SRRM4: variants seen among roughly 807,000 people sequenced by gnomAD.
The protein encoded by SRRM4 is serine/arginine repetitive matrix 4, also known as serine/arginine repetitive matrix protein 4.
In SRRM4, 33 loss-of-function variants were observed where a neutral mutation model predicts 68.9. The observed-to-expected ratio is 0.48, with a 90% CI of 0.36 to 0.64. The LOEUF is 0.64. Among genes scored for constraint, SRRM4 ranks in the 30% least tolerant of loss-of-function variants. The probability of loss-of-function intolerance (pLI) is 0.00; values close to 1 mark genes in which losing one functional copy is unlikely to be tolerated. For missense variants in SRRM4, 817 were observed against 827.1 expected (o/e 0.99, Z 0.15); for synonymous variants, 318 against 318.8 (o/e 1.00, Z 0.03).
chr12:119,125,491 C>A lies in SRRM4; in HGVS notation c.614+12C>A. The A allele has an allele frequency of 3.1e-6, 5 of 1,608,958 alleles. No individual in the cohort carries two copies. The highest frequency in any genetic ancestry group is 4.3e-6 in the Non-Finnish European group (5 of 1,176,190). On this transcript the variant is annotated intron_variant, in intron 7 of 12. Coordinates refer to ENST00000267260, the MANE Select transcript of SRRM4 (RefSeq NM_194286.4). ...AGCTGTGAGAGCAGGTAACCCCTTGCCCCAGGATCCTCTTCTGTCAGCCAC... is the reference window on the plus strand; with the variant it reads ...AGCTGTGAGAGCAGGTAACCCCTTGACCCAGGATCCTCTTCTGTCAGCCAC...
rs1451684245 is a variant in SRRM4 at position 119,093,394 on chromosome 12, C to A, written c.132-8842C>A. 2.0e-5 allele frequency among the ~76,000 whole-genome samples: 3 copies of A among 152,220 alleles called. No homozygotes were observed. In the South Asian group the frequency reaches 6.2e-4, roughly 31 times the overall value. On this transcript the variant is annotated intron_variant, in intron 1 of 12. Transcript: ENST00000267260. ...CCTAGATCTTGTACCAAGGATCCTC[C>A]TTTCCTGGGTTGGGGGTTTCCTCTT...
intron 1 of SRRM4, among the ~76,000 whole-genome samples, chr12:119,064,211 T>A (rs965172455): frequency 1.3e-5 from 2 of 152,232 alleles, no homozygotes; most frequent in African/African-American, 2.4e-5. Flanking sequence ...TAAAGTGATC[T>A]CCCTCATTCC....
At chr12:119,068,136 C>G (rs78490543) in intron 1 of SRRM4, among the ~76,000 whole-genome samples, 3,373 of 152,316 alleles carry the variant, frequency 0.022, 135 homozygotes, top group African/African-American at 0.077. Context: ...TCATCTGGCC[C>G]CTTCTCGTCT....
chr12:119,101,833 T>C (rs886524426), intron 1 of SRRM4, among the ~76,000 whole-genome samples: 2 of 152,140 alleles, frequency 1.3e-5, no homozygotes, highest in African/African-American at 2.4e-5. Flanking sequence ...GTTTCCAGCA[T>C]CTCTCTGTGA....
chr12:119,063,305 T>G (rs930744974), intron 1 of SRRM4, among the ~76,000 whole-genome samples: 1 of 152,182 alleles, frequency 6.6e-6, no homozygotes, highest in Admixed American at 6.5e-5. Flanking sequence ...TAGGCTTGGT[T>G]GTGCTATAGT....
At chr12:119,013,831 G>A (rs377622442) in intron 1 of SRRM4, among the ~76,000 whole-genome samples, 14 of 151,876 alleles carry the variant, frequency 9.2e-5, no homozygotes, top group Middle Eastern at 3.4e-3. Context: ...TACCTTGGAG[G>A]GTATATCTAT....
intron 8 of SRRM4, among the ~76,000 whole-genome samples, chr12:119,133,691 G>A (rs531480886): frequency 1.1e-4 from 16 of 152,308 alleles, no homozygotes; most frequent in Admixed American, 2.0e-4. Context: ...CTCTGTTAAA[G>A]CTAACAGCAG....
At chr12:119,110,110 G>A (rs547140134) in intron 2 of SRRM4, among the ~76,000 whole-genome samples, 39 of 150,292 alleles carry the variant, frequency 2.6e-4, no homozygotes, top group Admixed American at 9.2e-4. Context: ...CTGTTTGCCT[G>A]GGTATCACCA....
At chr12:119,027,487 A>G (rs1236894142) in intron 1 of SRRM4, among the ~76,000 whole-genome samples, 2 of 152,176 alleles carry the variant, frequency 1.3e-5, no homozygotes, top group Non-Finnish European at 2.9e-5. Flanking sequence ...CTTATCTTTT[A>G]AGATATTAAT....
At chr12:119,059,530 T>G (rs1187089367) in intron 1 of SRRM4, among the ~76,000 whole-genome samples, 1 of 152,152 alleles carries the variant, frequency 6.6e-6, no homozygotes, top group Non-Finnish European at 1.5e-5. Flanking sequence ...GTCCCCACTA[T>G]GTGCCAAGAG....
intron 1 of SRRM4, among the ~76,000 whole-genome samples, chr12:119,013,568 A>C (rs1234543048): frequency 4.6e-5 from 7 of 152,174 alleles, no homozygotes; most frequent in African/African-American, 1.7e-4. Context: ...TTCCAGAAAT[A>C]TTTTATATGA....
chr12:119,111,356 T>C (rs1487742679), intron 2 of SRRM4, among the ~76,000 whole-genome samples: 1 of 152,196 alleles, frequency 6.6e-6, no homozygotes, highest in Non-Finnish European at 1.5e-5. Context: ...TGGGATTTAT[T>C]GAGGGAGTTG....
At chr12:118,998,457 C>T (rs1372507212) in intron 1 of SRRM4, among the ~76,000 whole-genome samples, 1 of 152,080 alleles carries the variant, frequency 6.6e-6, no homozygotes, top group African/African-American at 2.4e-5. Flanking sequence ...TTGTAGCATG[C>T]ATACTATGTA....
At chr12:119,104,875 T>A (rs1954097613) in intron 2 of SRRM4, among the ~76,000 whole-genome samples, 1 of 151,754 alleles carries the variant, frequency 6.6e-6, no homozygotes, top group Non-Finnish European at 1.5e-5. Flanking sequence ...ATCATGCAGG[T>A]TTGTTACATA....
At chr12:118,998,666 C>T (rs905514827) in intron 1 of SRRM4, among the ~76,000 whole-genome samples, 2 of 152,146 alleles carry the variant, frequency 1.3e-5, no homozygotes, top group Non-Finnish European at 2.9e-5. Context: ...AGTTACTTGC[C>T]CAAGGCTAAA....
At position 119,152,104 on chromosome 12, in the gene SRRM4, G is replaced by A. The variant is rs541792492; in HGVS notation, c.1280+884G>A. Among the ~76,000 whole-genome samples, 278 of 152,234 alleles carry A rather than the reference G, an allele frequency of 1.8e-3. 2 individuals are homozygous for A. The highest frequency in any genetic ancestry group is 6.6e-3 in the African/African-American group (276 of 41,538). The stretch of plus-strand genomic sequence containing the variant: ...AATGAGACATGAAATCTCAGAAATC[G>A]GAAGATTCTATCCAAACGAATCAAC... On this transcript the variant is annotated intron_variant, in intron 10 of 12. Transcript: ENST00000267260.
intron 1 of SRRM4, among the ~76,000 whole-genome samples, chr12:118,998,549 G>C (rs904708182): frequency 6.6e-6 from 1 of 152,172 alleles, no homozygotes; most frequent in Non-Finnish European, 1.5e-5. Context: ...CATTTACTAC[G>C]CTGTTGGTGC....
chr12:119,056,672 G>A lies in SRRM4; in HGVS notation c.132-45564G>A, dbSNP rs533591582. ...GGGCCTTTGCACATGCTGTTCTCTC[G>A]GCCTCACTTGTTCTCACTCGGCCTT... is the stretch of plus-strand genomic sequence containing the variant. On this transcript the variant is annotated intron_variant, in intron 1 of 12. Coordinates refer to ENST00000267260, the MANE Select transcript of SRRM4 (RefSeq NM_194286.4). Among the ~76,000 whole-genome samples the A allele has an allele frequency of 3.3e-5, 5 of 150,628 alleles. 1 individual carries two copies. The highest frequency in any genetic ancestry group is 1.2e-4 in the African/African-American group (5 of 41,124).
chr12:119,129,995 GGA>G (rs1954284940), intron 7 of SRRM4, among the ~76,000 whole-genome samples: 2 of 151,542 alleles, frequency 1.3e-5, no homozygotes, highest in African/African-American at 4.9e-5. Context: ...ATGGATGGAT[GGA>G]TGGATGGATG....
Sources: gnomAD v4.1 joint callset for allele counts (sites outside exome capture counted in the v4.1 genomes callset) on GRCh38, gnomAD v4.1.1 for gene constraint, MANE v1.5 for transcripts, NCBI Gene and HGNC (gene_info 2026-07-23, HGNC 2026-07-21) for gene names.